Variants in RBFOX1 observed in about 807,000 individuals in gnomAD.
The protein encoded by RBFOX1 is RNA binding protein fox-1 homolog 1.
Under a neutral mutation model 57.7 loss-of-function variants are expected in RBFOX1, and 8 were observed. The ratio of observed to expected loss-of-function variants is 0.14; its 90% CI spans 0.08 to 0.25. RBFOX1 has a LOEUF of 0.25. Ranked by LOEUF, RBFOX1 falls within the 10% of genes least tolerant of loss-of-function variation. The pLI, the probability that RBFOX1 is intolerant of heterozygous loss-of-function variation, is 1.00. For synonymous variants in RBFOX1, 326 were observed against 222.4 expected (o/e 1.47, Z -4.15); for missense variants, 611 against 548.5 (o/e 1.11, Z -1.14).
chr16:6,729,446 G>T (rs2068003280), intron 3 of RBFOX1, among the ~76,000 whole-genome samples: 1 of 152,162 alleles, frequency 6.6e-6, no homozygotes, highest in African/African-American at 2.4e-5. Context: ...AAAAGGTGAG[G>T]AAGATAGTAT....
chr16:5,421,434 T>G (rs1050337258), intron 1 of RBFOX1, among the ~76,000 whole-genome samples: 3 of 152,204 alleles, frequency 2.0e-5, no homozygotes, highest in Non-Finnish European at 2.9e-5. Flanking sequence ...CAGCTTGGCC[T>G]TGGGGGTGTC....
At chr16:5,761,707 C>G (rs144153625) in intron 3 of RBFOX1, among the ~76,000 whole-genome samples, 2 of 152,142 alleles carry the variant, frequency 1.3e-5, no homozygotes, top group African/African-American at 2.4e-5. Context: ...ATTATGGGAG[C>G]TATAATTCAA....
chr16:7,585,273 A>T (rs942683098), intron 6 of RBFOX1, among the ~76,000 whole-genome samples: 1 of 152,180 alleles, frequency 6.6e-6, no homozygotes, highest in East Asian at 1.9e-4. Context: ...CATTTCCCCA[A>T]TCTGAATGTT....
chr16:6,858,602 C>G (rs1421159188), intron 3 of RBFOX1, among the ~76,000 whole-genome samples: 1 of 152,076 alleles, frequency 6.6e-6, no homozygotes, highest in Non-Finnish European at 1.5e-5. Context: ...ATTTCATTCT[C>G]TTTATGTGAG....
intron 4 of RBFOX1, among the ~76,000 whole-genome samples, chr16:5,884,610 C>T (rs890324269): frequency 6.6e-6 from 1 of 152,092 alleles, no homozygotes; most frequent in Non-Finnish European, 1.5e-5. Context: ...TAGCCATAAG[C>T]CTTTCCCGTG....
At chr16:7,321,472 A>C (rs535791959) in intron 4 of RBFOX1, among the ~76,000 whole-genome samples, 20 of 152,154 alleles carry the variant, frequency 1.3e-4, no homozygotes, top group African/African-American at 4.6e-4. Flanking sequence ...CAAAAAACAA[A>C]CAAACATGAA....
chr16:5,463,845 C>G (rs1369073182), intron 1 of RBFOX1, among the ~76,000 whole-genome samples: 1 of 150,980 alleles, frequency 6.6e-6, no homozygotes, highest in Non-Finnish European at 1.5e-5. Context: ...TTCATGGCAA[C>G]AGCAAGATTA....
At chr16:7,305,150 T>C (rs72769255) in intron 4 of RBFOX1, among the ~76,000 whole-genome samples, 22,403 of 152,006 alleles carry the variant, frequency 0.15, 1,875 homozygotes, top group South Asian at 0.34. Context: ...GGTTTTTTTT[T>C]CCCTTTCACT....
intron 2 of RBFOX1, among the ~76,000 whole-genome samples, chr16:6,396,734 G>A (rs976759486): frequency 2.0e-5 from 3 of 151,550 alleles, no homozygotes; most frequent in African/African-American, 7.3e-5. Flanking sequence ...AAACTTACTA[G>A]ATGTGTGAAG....
rs367778137 is a variant in RBFOX1, at chr16:6,027,981, C to T, written c.-127+7989C>T. Among the ~76,000 whole-genome samples, 16 of 152,110 alleles carry T rather than the reference C, an allele frequency of 1.1e-4. No homozygotes were observed. The East Asian group carries it at 1.2e-3, about 11-fold the overall frequency. Reference sequence around the variant, plus strand: ...GAGAGAAACACTAATTTATTAGACTCGTTATGAAAAGTGACGGAGCAGGGG... The same window carrying T: ...GAGAGAAACACTAATTTATTAGACTTGTTATGAAAAGTGACGGAGCAGGGG... On this transcript the variant is annotated intron_variant, in intron 1 of 15. Transcript: ENST00000550418.
intron 1 of RBFOX1, among the ~76,000 whole-genome samples, chr16:5,276,482 G>T (rs1442905261): frequency 1.3e-5 from 2 of 152,110 alleles, no homozygotes; most frequent in Non-Finnish European, 2.9e-5. Flanking sequence ...GCAATACCAT[G>T]TGTAAAATAA....
intron 1 of RBFOX1, among the ~76,000 whole-genome samples, chr16:5,413,997 T>C (rs1037607088): frequency 1.3e-5 from 2 of 152,156 alleles, no homozygotes; most frequent in Non-Finnish European, 2.9e-5. Context: ...ACATTGAGGC[T>C]CTGGAAAGGT....
intron 2 of RBFOX1, among the ~76,000 whole-genome samples, chr16:6,391,930 A>G (rs1306937496): frequency 6.6e-6 from 1 of 152,212 alleles, no homozygotes; most frequent in African/African-American, 2.4e-5. Flanking sequence ...GAGAGAGTGA[A>G]TAAGTCTTTC....
At chr16:6,557,308 C>G (rs780953460) in intron 2 of RBFOX1, among the ~76,000 whole-genome samples, 9 of 151,778 alleles carry the variant, frequency 5.9e-5, no homozygotes, top group Non-Finnish European at 1.2e-4. Context: ...AAAGCAGAAT[C>G]TTGCTTTCAC....
chr16:6,380,605 A>G (rs2091712301), intron 2 of RBFOX1, among the ~76,000 whole-genome samples: 1 of 151,682 alleles, frequency 6.6e-6, no homozygotes, highest in East Asian at 1.9e-4. Flanking sequence ...TGAAATAAAG[A>G]GCATACTTAG....
intron 4 of RBFOX1, among the ~76,000 whole-genome samples, chr16:7,511,069 C>A (rs920019388): frequency 3.3e-5 from 5 of 152,094 alleles, no homozygotes; most frequent in Non-Finnish European, 1.5e-5. Context: ...ACACACATAC[C>A]CACACAGGAA....
At chr16:7,385,507 G>C (rs1211239971) in intron 4 of RBFOX1, among the ~76,000 whole-genome samples, 2 of 152,212 alleles carry the variant, frequency 1.3e-5, no homozygotes, top group Non-Finnish European at 2.9e-5. Flanking sequence ...ATCTCAAATA[G>C]AAAGTAGTGA....
chr16:6,185,365 T>C (rs2097098526), intron 1 of RBFOX1, among the ~76,000 whole-genome samples: 1 of 152,236 alleles, frequency 6.6e-6, no homozygotes, highest in African/African-American at 2.4e-5. Context: ...ACCTTCGAGG[T>C]GATCTTATCC....
chr16:6,215,040 GA>G, intron 1 of RBFOX1, among the ~76,000 whole-genome samples: 2 of 136,246 alleles, frequency 1.5e-5, no homozygotes, highest in African/African-American at 2.8e-5. Flanking sequence ...AATGGAGAGG[GA>G]GAGGGGAGAA....
Sources: gnomAD v4.1 joint callset for allele counts (sites outside exome capture counted in the v4.1 genomes callset) on GRCh38, gnomAD v4.1.1 for gene constraint, MANE v1.5 for transcripts, NCBI Gene and HGNC (gene_info 2026-07-23, HGNC 2026-07-21) for gene names.